Variants in GALNT13 observed in about 807,000 individuals in gnomAD.
GALNT13 encodes the protein UDP-GalNAc:polypeptide N-acetylgalactosaminyltransferase 13.
GALNT13 carries 28 observed loss-of-function variants against 64.2 expected under a neutral mutation model. That is an observed-to-expected ratio of 0.44 (90% CI 0.32 to 0.60). The LOEUF (loss-of-function observed/expected upper bound fraction) is 0.60. Ranked by LOEUF, GALNT13 falls within the 20% of genes least tolerant of loss-of-function variation. The pLI, the probability that GALNT13 is intolerant of heterozygous loss-of-function variation, is 0.05. For missense variants in GALNT13, 577 were observed against 669.8 expected (o/e 0.86, Z 1.53); for synonymous variants, 214 against 224.6 (o/e 0.95, Z 0.42).
intron 4 of GALNT13, among the ~76,000 whole-genome samples, chr2:154,213,509 G>A (rs1210205689): frequency 1.3e-5 from 2 of 151,792 alleles, no homozygotes; most frequent in Admixed American, 1.3e-4. Flanking sequence ...TCAGTTCCAA[G>A]TTAATATAAC....
At chr2:153,193,923 A>G in the GALNT13 span, among the ~76,000 whole-genome samples, 1 of 151,704 alleles carries the variant, frequency 6.6e-6, no homozygotes, top group Non-Finnish European at 1.5e-5. Flanking sequence ...ATATTATGCC[A>G]TTTTTTTTCT....
chr2:153,378,795 T>C, the GALNT13 span, among the ~76,000 whole-genome samples: 1 of 152,148 alleles, frequency 6.6e-6, no homozygotes, highest in Non-Finnish European at 1.5e-5. Flanking sequence ...GGCCTCTGGT[T>C]TGTGTAATGT....
At chr2:153,938,523 A>C (rs543532024) in intron 2 of GALNT13, among the ~76,000 whole-genome samples, 1 of 152,296 alleles carries the variant, frequency 6.6e-6, no homozygotes, top group African/African-American at 2.4e-5. Context: ...TGCATGTAGA[A>C]GTGGAGTATA....
chr2:154,186,819 C>A (rs778337537), intron 4 of GALNT13, among the ~76,000 whole-genome samples: 1 of 151,990 alleles, frequency 6.6e-6, no homozygotes, highest in Non-Finnish European at 1.5e-5. Context: ...ATACTCTTTG[C>A]CTTCAAACTT....
chr2:154,059,950 C>A (rs1348868833), intron 3 of GALNT13, among the ~76,000 whole-genome samples: 1 of 152,060 alleles, frequency 6.6e-6, no homozygotes, highest in Non-Finnish European at 1.5e-5. Flanking sequence ...CTCCAAAATT[C>A]ATATGTTGAA....
chr2:153,815,356 C>T, the GALNT13 span, among the ~76,000 whole-genome samples: 2 of 152,164 alleles, frequency 1.3e-5, no homozygotes. Context: ...AGTATATCCA[C>T]ATTGTTGCAT....
At chr2:153,534,794 C>T in the GALNT13 span, among the ~76,000 whole-genome samples, 1 of 151,942 alleles carries the variant, frequency 6.6e-6, no homozygotes, top group African/African-American at 2.4e-5. Flanking sequence ...CAAGGACCGG[C>T]CATTTACACT....
At chr2:153,313,680 C>T in the GALNT13 span, among the ~76,000 whole-genome samples, 43 of 152,162 alleles carry the variant, frequency 2.8e-4, 1 homozygote, top group Admixed American at 2.4e-3. Context: ...AACCTGCACA[C>T]GTACCTCTGA....
chr2:153,104,017 G>T, the GALNT13 span, among the ~76,000 whole-genome samples: 23 of 151,932 alleles, frequency 1.5e-4, no homozygotes, highest in African/African-American at 5.6e-4. Context: ...CTTCTTGAGG[G>T]CAAGGTTAGT....
At chr2:154,266,912 TAAAG>T (rs1240259951) in intron 8 of GALNT13, among the ~76,000 whole-genome samples, 2 of 151,248 alleles carry the variant, frequency 1.3e-5, no homozygotes, top group African/African-American at 4.8e-5. Context: ...AATGCATTAA[TAAAG>T]AAAAAAGTTA....
intron 3 of GALNT13, among the ~76,000 whole-genome samples, chr2:154,039,836 G>A (rs1698877531): frequency 7.1e-6 from 1 of 139,934 alleles, no homozygotes; most frequent in African/African-American, 2.5e-5. Context: ...CCCTAATTTG[G>A]TCATTACACA....
the GALNT13 span, among the ~76,000 whole-genome samples, chr2:153,832,676 A>C: frequency 6.6e-6 from 1 of 152,172 alleles, no homozygotes; most frequent in Non-Finnish European, 1.5e-5. Context: ...GAGACTTTAG[A>C]TCAGGTAGAA....
the GALNT13 span, among the ~76,000 whole-genome samples, chr2:153,827,342 G>A: frequency 6.6e-6 from 1 of 152,150 alleles, no homozygotes; most frequent in Non-Finnish European, 1.5e-5. Context: ...TATGGGTGGA[G>A]GCTGGGCACA....
chr2:153,925,539 A>C (rs2348540), intron 2 of GALNT13, among the ~76,000 whole-genome samples: 1 of 142,546 alleles, frequency 7.0e-6, no homozygotes, highest in East Asian at 2.0e-4. Flanking sequence ...TGGCTATTTG[A>C]GCTCTTTTTT....
At chr2:153,997,791 C>A (rs929506400) in intron 3 of GALNT13, among the ~76,000 whole-genome samples, 2 of 152,128 alleles carry the variant, frequency 1.3e-5, no homozygotes, top group African/African-American at 2.4e-5. Context: ...TATCCCTTCC[C>A]TAGCCCCCGA....
chr2:154,441,546 T>C (rs799821), intron 12 of GALNT13, among the ~76,000 whole-genome samples: 151,348 of 152,184 alleles, frequency 0.99, 75,263 homozygotes, highest in Middle Eastern at 1. Context: ...AACTAAAGCA[T>C]AAAGATTACA....
chr2:153,900,380 G>T, intron 1 of GALNT13, among the ~76,000 whole-genome samples: 1 of 152,244 alleles, frequency 6.6e-6, no homozygotes, highest in Non-Finnish European at 1.5e-5. Flanking sequence ...AACTGTTTGT[G>T]TATTTTTGTG....
At chr2:153,850,005 C>CAAAAAAAAAAA in the GALNT13 span, among the ~76,000 whole-genome samples, 1 of 84,726 alleles carries the variant, frequency 1.2e-5, no homozygotes, top group African/African-American at 4.9e-5. Context: ...ACTAAAAATA[C>CAAAAAAAAAAA]AAAAAAAAAA....
At chr2:153,892,819 G>A (rs757681675) in intron 1 of GALNT13, among the ~76,000 whole-genome samples, 5 of 151,274 alleles carry the variant, frequency 3.3e-5, no homozygotes, top group Non-Finnish European at 7.4e-5. Context: ...AATATGATTC[G>A]ACATGTGAAC....
Sources: gnomAD v4.1 joint callset for allele counts (sites outside exome capture counted in the v4.1 genomes callset) on GRCh38, gnomAD v4.1.1 for gene constraint, MANE v1.5 for transcripts, NCBI Gene and HGNC (gene_info 2026-07-23, HGNC 2026-07-21) for gene names.